The following CENPO variants were observed in gnomAD, a reference collection of about 807,000 sequenced individuals.
The protein encoded by CENPO is centromeric protein O.
CENPO carries 30 observed loss-of-function variants against 36.1 expected under a neutral mutation model. The observed-to-expected ratio is 0.83, with a 90% confidence interval of 0.62 to 1.13. The LOEUF (loss-of-function observed/expected upper bound fraction) is 1.13. Among genes scored for constraint, CENPO ranks in the 50% most tolerant of loss-of-function variants. The pLI is 0.00. For synonymous variants in CENPO, 171 were observed against 142.3 expected, an observed-to-expected ratio of 1.20 and a Z score of -1.44; for missense variants, 349 against 357.8, an observed-to-expected ratio of 0.98 and a Z score of 0.20.
chr2:24,793,990 TC>T, intron 2 of CENPO, 25 bp downstream of exon 2: 4 of 1,557,504 alleles, frequency 2.6e-6, no homozygotes, highest in Middle Eastern at 1.7e-4. Context: ...GCCGCCTCCT[TC>T]CTGCTGCTGC....
At chr2:24,806,471 C>T (rs544656531) in intron 3 of CENPO, among the ~76,000 whole-genome samples, 2 of 152,220 alleles carry the variant, frequency 1.3e-5, no homozygotes, top group Non-Finnish European at 2.9e-5. Flanking sequence ...GCTCCACCCC[C>T]TCACCTAACA....
At chr2:24,813,138 C>G (rs368348181) in intron 3 of CENPO, among the ~76,000 whole-genome samples, 1 of 151,836 alleles carries the variant, frequency 6.6e-6, no homozygotes, top group African/African-American at 2.4e-5. Flanking sequence ...CCCAGCTACT[C>G]GGGAGGCTGA....
chr2:24,821,855 A>T lies in CENPO; in HGVS notation c.*2537A>T. 2 of 595,430 alleles carry T rather than the reference A, an allele frequency of 3.4e-6. No individual in the cohort carries two copies. Among genetic ancestry groups the T allele is most frequent in the Non-Finnish European group, 5.6e-6 (2 of 357,828 alleles). 36.9% of individuals were successfully genotyped at this position (595,430 alleles called of 1,614,324 possible). A position where few individuals can be genotyped will look rare whatever the true frequency, so the allele number is the denominator to read the frequency against. On this transcript the variant is annotated 3_prime_UTR_variant, in exon 8 of 8. Coordinates refer to ENST00000380834, the MANE Select transcript of CENPO (RefSeq NM_001322101.2). ...GGTCTAGGCAAAGACTGGGCAATTG[A>T]GCAGAGGAGACGGACCTGTGAGTCT...
In CENPO at chr2:24,820,270, G is replaced by T; in HGVS notation, c.*952G>T. On this transcript the variant is annotated 3_prime_UTR_variant, in exon 8 of 8. Coordinates refer to ENST00000380834, the MANE Select transcript of CENPO (RefSeq NM_001322101.2). ...CTCCCAGGGCCAAGCCCTTCCACCC[G>T]TGGCGAGCAGCGGGTGGGAAGGAGA... 8.3e-7 allele frequency: 1 copy of T among 1,210,148 alleles called. No homozygotes were observed. Among genetic ancestry groups the T allele is most frequent in the Non-Finnish European group, 1.1e-6 (1 of 926,120 alleles). The allele number at this position is 1,210,148 out of a possible 1,614,324, so 75.0% of individuals were successfully genotyped here.
intron 4 of CENPO, 148 bp downstream of exon 4, chr2:24,814,641 GAC>G: frequency 2.3e-5 from 11 of 474,740 alleles, no homozygotes; most frequent in East Asian, 3.6e-5. Flanking sequence ...CACACACACA[GAC>G]ACACACACAG....
rs1667761364 is a variant in CENPO, at chr2:24,821,788, A to T, written c.*2470A>T. The T allele has an allele frequency of 8.3e-7, 1 of 1,210,504 alleles. No individual in the cohort carries two copies. The highest frequency in any genetic ancestry group is 1.1e-6 in the Non-Finnish European group (1 of 878,136). The allele number at this position is 1,210,504 out of a possible 1,614,324, so 75.0% of individuals were successfully genotyped here. ...TTCCTCCCACAAAGGAGTCGCAGCC[A>T]CGCTAGCTCTGACTTGCCACTGTGA... On this transcript the variant is annotated 3_prime_UTR_variant, in exon 8 of 8. Transcript: ENST00000380834.
At chr2:24,800,507 T>C (rs1334515482) in intron 3 of CENPO, among the ~76,000 whole-genome samples, 1 of 119,074 alleles carries the variant, frequency 8.4e-6, no homozygotes, top group South Asian at 3.1e-4. Flanking sequence ...CCCCGGTGTG[T>C]GATGTTCCCC....
At chr2:24,813,787 G>C (rs1400339654) in intron 3 of CENPO, among the ~76,000 whole-genome samples, 1 of 152,166 alleles carries the variant, frequency 6.6e-6, no homozygotes, top group African/African-American at 2.4e-5. Context: ...ATGCTCTGAG[G>C]CCAGAGGCTG....
chr2:24,803,487 C>T (rs1413457799), intron 3 of CENPO, among the ~76,000 whole-genome samples: 1 of 152,130 alleles, frequency 6.6e-6, no homozygotes, highest in Non-Finnish European at 1.5e-5. Context: ...TTTCCGTCTA[C>T]ACACTGCTTT....
chr2:24,809,606 A>G lies in CENPO; in HGVS notation c.217-4770A>G, dbSNP rs538638112. 6.1e-5 allele frequency among the ~76,000 whole-genome samples: 9 copies of G among 148,272 alleles called. No homozygotes were observed. The East Asian group carries it at 1.4e-3, about 23-fold the overall frequency. On this transcript the variant is annotated intron_variant, in intron 3 of 7. Transcript: ENST00000380834. ...ACCCCACAAGTTTTGATATATTTTC[A>G]TTATCATTTCAATTCAAATATTGTT... is the stretch of plus-strand genomic sequence containing the variant.
chr2:24,795,474 T>C (rs1414682355), intron 2 of CENPO, among the ~76,000 whole-genome samples: 1 of 152,122 alleles, frequency 6.6e-6, no homozygotes, highest in Non-Finnish European at 1.5e-5. Context: ...CTCCCTCTTT[T>C]CTGTAGTAGC....
At position 24,821,143 on chromosome 2, in the gene CENPO, AC is replaced by A. The variant is rs549700415; in HGVS notation, c.*1830del. On this transcript the variant is annotated 3_prime_UTR_variant, in exon 8 of 8. Coordinates refer to ENST00000380834, the MANE Select transcript of CENPO (RefSeq NM_001322101.2). Reference sequence around the variant, plus strand: ...TCCTGGGACCTCACTCAGGAATGATACCCCCTCAGTAGAAGCAGCAGGTGAT... The same window carrying A: ...TCCTGGGACCTCACTCAGGAATGATACCCCTCAGTAGAAGCAGCAGGTGAT... 121 of 434,486 alleles carry A rather than the reference AC, an allele frequency of 2.8e-4. No individual in the cohort carries two copies. The highest frequency in any genetic ancestry group is 9.4e-4 in the South Asian group (30 of 31,758). The allele number at this position is 434,486 out of a possible 1,614,324, so 26.9% of individuals were successfully genotyped here.
In CENPO at chr2:24,815,750, G is replaced by T; in HGVS notation, c.588G>T (p.Arg196=). 2 of 1,614,122 alleles carry T rather than the reference G, an allele frequency of 1.2e-6. No homozygotes were observed. The highest frequency in any genetic ancestry group is 2.2e-5 in the South Asian group (2 of 91,080). Reference sequence around the variant, plus strand: ...CTGGGAGGAAGTACCAGGCAGACCGGCTTCAGGTATCTCTCTGGGATGTTA... The same window carrying T: ...CTGGGAGGAAGTACCAGGCAGACCGTCTTCAGGTATCTCTCTGGGATGTTA... ...AYSGRKYQAD[R]LQSDFAALLT... is the part of the protein sequence containing the mutation. Residue 196 remains arginine (R), a synonymous_variant, in exon 5 of 8, where the codon CGG becomes CGT. Transcript: ENST00000380834.
At position 24,821,053 on chromosome 2, in the gene CENPO, C is replaced by A. The variant is rs533356189; in HGVS notation, c.*1735C>A. On this transcript the variant is annotated 3_prime_UTR_variant, in exon 8 of 8. Coordinates refer to ENST00000380834, the MANE Select transcript of CENPO (RefSeq NM_001322101.2). ...TTGTTAGGTGTCAGCCGCCACCCCCCCCCCATATGCAGATTTACTCGGCAT... is the reference window on the plus strand; with the variant it reads ...TTGTTAGGTGTCAGCCGCCACCCCCACCCCATATGCAGATTTACTCGGCAT... 1.1e-4 allele frequency: 75 copies of A among 653,500 alleles called. No homozygotes were observed. The highest frequency in any genetic ancestry group is 1.6e-4 in the Non-Finnish European group (64 of 400,514). The allele number at this position is 653,500 out of a possible 1,614,324, so 40.5% of individuals were successfully genotyped here.
intron 3 of CENPO, among the ~76,000 whole-genome samples, chr2:24,810,506 T>TG (rs1666626215): frequency 2.7e-5 from 1 of 36,462 alleles, no homozygotes; most frequent in African/African-American, 5.9e-5. Flanking sequence ...AGGTTAAGGT[T>TG]TTTTTTTTTT....
chr2:24,793,930 C>A lies in CENPO; in HGVS notation c.11C>A (p.Ala4Glu), dbSNP rs748254631. 3.7e-6 allele frequency: 6 copies of A among 1,614,028 alleles called. No individual in the cohort carries two copies. The change falls in exon 2 of 8, where the codon GCG becomes GAG. Residue 4 changes from alanine to glutamate, a missense_variant. Transcript: ENST00000380834. ...CCTTGGGAATCTGAGATGGAGCAGG[C>A]GAACCCTTTACGTCCAGATGGCGAG... Reference protein sequence around the residue: MEQANPLRPDGESK... With the variant: MEQENPLRPDGESK...
chr2:24,816,044 C>G (rs1001578307), intron 5 of CENPO: 2 of 407,500 alleles, frequency 4.9e-6, no homozygotes, highest in African/African-American at 4.0e-5. Context: ...TACTTTTGAT[C>G]CATCAGGGAT....
chr2:24,814,348 C>G (rs768003949), intron 3 of CENPO, 28 bp from the exon 4 acceptor site: 67 of 1,110,606 alleles, frequency 6.0e-5, no homozygotes, highest in Non-Finnish European at 9.3e-5. Context: ...CTCTTTGTAC[C>G]AAGATTGATT....
chr2:24,796,794 A>C (rs931420006), intron 2 of CENPO, among the ~76,000 whole-genome samples: 1 of 151,948 alleles, frequency 6.6e-6, no homozygotes, highest in African/African-American at 2.4e-5. Flanking sequence ...AACGAGCTAG[A>C]GTAGCTGCAG....
Sources: allele counts gnomAD v4.1 joint callset (sites outside exome capture counted in the v4.1 genomes callset), GRCh38; gene constraint gnomAD v4.1.1; transcripts MANE v1.5; gene names NCBI Gene and HGNC (gene_info 2026-07-23, HGNC 2026-07-21).